The following KIF14 variants were observed in gnomAD, a reference collection of about 807,000 sequenced individuals.
The protein encoded by KIF14 is kinesin family member 14.
A neutral mutation model predicts 176.2 loss-of-function variants in KIF14; 98 were observed. The observed-to-expected ratio is 0.56, with a 90% CI of 0.47 to 0.66. KIF14 has a LOEUF of 0.66. KIF14 is among the 30% of genes least tolerant of loss of function. The pLI, the probability that KIF14 is intolerant of heterozygous loss-of-function variation, is 0.00. For synonymous variants in KIF14, 566 were observed against 632.2 expected, an observed-to-expected ratio of 0.90 and a Z score of 1.57; for missense variants, 1,751 against 1,920.4, an observed-to-expected ratio of 0.91 and a Z score of 1.65.
chr1:200,609,992 G>C (rs146674900), intron 4 of KIF14, among the ~76,000 whole-genome samples: 1 of 152,166 alleles, frequency 6.6e-6, no homozygotes, highest in African/African-American at 2.4e-5. Flanking sequence ...TCCAGAACAG[G>C]TAAATTCATA....
rs200384271 is a variant in KIF14, at chr1:200,583,230, T to TA, written c.3242-1937dup. ...ATTCAAACAAATCAAGTTTTTTTTT[T>TA]AAAAAAAGGATGAAACAATCCAGGA... On this transcript the variant is annotated intron_variant, in intron 19 of 29. Transcript: ENST00000367350. Among the ~76,000 whole-genome samples the TA allele has an allele frequency of 2.8e-3, 428 of 151,668 alleles. 3 individuals carry two copies. The highest frequency in any genetic ancestry group is 9.8e-3 in the African/African-American group (405 of 41,326).
chr1:200,603,276 T>C lies in KIF14; in HGVS notation c.1929A>G (p.Gln643=). Residue 643 remains glutamine, a synonymous_variant, in exon 10 of 30, where the codon CAA becomes CAG. Transcript: ENST00000367350. The part of the protein sequence containing the change: ...LGKVISALSE[Q]ANQRSVFIPY... ...GAATAAAAACACTCCTTTGGTTTGC[T>C]TGTTCCGAAAGTGCAGATATAACTT... The C allele has an allele frequency of 6.2e-7, 1 of 1,610,174 alleles. No individual in the cohort carries two copies. The highest frequency in any genetic ancestry group is 8.5e-7 in the Non-Finnish European group (1 of 1,177,266).
chr1:200,576,994 T>C (rs1658153550), intron 21 of KIF14, among the ~76,000 whole-genome samples: 1 of 152,014 alleles, frequency 6.6e-6, no homozygotes, highest in African/African-American at 2.4e-5. Context: ...CACATCTGTC[T>C]AATTTTCAGA....
chr1:200,603,825 A>C lies in KIF14; in HGVS notation c.1863+14T>G. 6.8e-7 allele frequency: 1 copy of C among 1,480,488 alleles called. No individual in the cohort carries two copies. The highest frequency in any genetic ancestry group is 9.4e-7 in the Non-Finnish European group (1 of 1,059,568). The allele number at this position is 1,480,488 out of a possible 1,614,324, so 91.7% of individuals were successfully genotyped here. On this transcript the variant is annotated intron_variant, in intron 9 of 29. Transcript: ENST00000367350. ...AATAAATTTCATCAAAAGGAGAAAAAGCATTCCATTTACCTTTAGTCGATC... is the reference window on the plus strand; with the variant it reads ...AATAAATTTCATCAAAAGGAGAAAACGCATTCCATTTACCTTTAGTCGATC...
intron 25 of KIF14, among the ~76,000 whole-genome samples, chr1:200,561,306 C>T (rs1657140648): frequency 6.6e-6 from 1 of 150,852 alleles, no homozygotes; most frequent in Admixed American, 6.6e-5. Flanking sequence ...TTTCGGAGGC[C>T]GAGGCAGGCA....
At chr1:200,588,384 G>T (rs1321075027) in intron 18 of KIF14, among the ~76,000 whole-genome samples, 1 of 152,008 alleles carries the variant, frequency 6.6e-6, no homozygotes, top group African/African-American at 2.4e-5. Flanking sequence ...GGGACTACAG[G>T]TGTGTGCCAC....
chr1:200,565,034 G>A lies in KIF14; in HGVS notation c.4071+35C>T, dbSNP rs533159407. 9 of 1,498,340 alleles carry A rather than the reference G, an allele frequency of 6.0e-6. No individual in the cohort carries two copies. In the East Asian group the frequency reaches 6.8e-5, roughly 11 times the overall value. The allele number at this position is 1,498,340 out of a possible 1,614,324, so 92.8% of individuals were successfully genotyped here. A position where few individuals can be genotyped will look rare whatever the true frequency, so the allele number is the denominator to read the frequency against. On this transcript the variant is annotated intron_variant, in intron 25 of 29. Coordinates refer to ENST00000367350, the MANE Select transcript of KIF14 (RefSeq NM_014875.3). ...GAAAGCCAATAAATAATTATTAAAT[G>A]AATCCTTCAAATGATAATAAGCAAA...
chr1:200,619,705 C>G (rs1310839889), intron 1 of KIF14, among the ~76,000 whole-genome samples: 3 of 152,146 alleles, frequency 2.0e-5, no homozygotes, highest in Non-Finnish European at 4.4e-5. Context: ...ATTGGTGTCA[C>G]GAGGCAGATT....
intron 22 of KIF14, among the ~76,000 whole-genome samples, chr1:200,571,454 A>T (rs116226364): frequency 0.024 from 3,583 of 152,244 alleles, 49 homozygotes; most frequent in Non-Finnish European, 0.035. Flanking sequence ...GCCTATCTCC[A>T]TATTGCCGTT....
intron 2 of KIF14, 91 bp downstream of exon 2, chr1:200,617,521 C>T: frequency 8.0e-7 from 1 of 1,250,376 alleles, no homozygotes; most frequent in Non-Finnish European, 1.1e-6. Flanking sequence ...TTTGAAGATG[C>T]ACGAATACAC....
chr1:200,588,248 G>GT (rs201090107), intron 18 of KIF14, among the ~76,000 whole-genome samples: 40,973 of 139,336 alleles, frequency 0.29, 6,994 homozygotes, highest in African/African-American at 0.49. Flanking sequence ...TGTTTGTTTT[G>GT]TTTTTTTTTT....
rs1475600095 is a variant in KIF14, at chr1:200,590,221, C to T, written c.2865G>A (p.Met955Ile). ...TTTCTTTTGCAATCTGGATTCCTTGCATCATTTCTTCCTTTGCCTTCAACT... is the reference window on the plus strand; with the variant it reads ...TTTCTTTTGCAATCTGGATTCCTTGTATCATTTCTTCCTTTGCCTTCAACT... The part of the protein sequence containing the change: ...EAQLKAKEEM[M>I]QGIQIAKEMA... The change falls in exon 17 of 30, where the codon ATG becomes ATA. Residue 955 changes from methionine (M) to isoleucine (I), a missense_variant. Coordinates refer to ENST00000367350, the MANE Select transcript of KIF14 (RefSeq NM_014875.3). 1.2e-6 allele frequency: 2 copies of T among 1,613,866 alleles called. No individual in the cohort carries two copies. The highest frequency in any genetic ancestry group is 1.7e-6 in the Non-Finnish European group (2 of 1,179,904).
intron 8 of KIF14, 72 bp downstream of exon 8, chr1:200,605,210 TA>T (rs1558085302): frequency 7.1e-7 from 1 of 1,416,168 alleles, no homozygotes; most frequent in Admixed American, 1.9e-5. Context: ...GGGAACTTTT[TA>T]AAAAAATACC....
In KIF14 at chr1:200,580,592, A is replaced by T. The variant is rs990312394; in HGVS notation, c.3336-209T>A. On this transcript the variant is annotated intron_variant, in intron 20 of 29. Coordinates refer to ENST00000367350, the MANE Select transcript of KIF14 (RefSeq NM_014875.3). ...TTTTTAAAATCAAAAATTTCTAATA[A>T]GGTATGTTCCTTTTGAACAATGAAA... Among the ~76,000 whole-genome samples, 4 of 152,078 alleles carry T rather than the reference A, an allele frequency of 2.6e-5. No homozygotes were observed. The East Asian group carries it at 7.7e-4, about 29-fold the overall frequency.
chr1:200,608,788 G>A, intron 5 of KIF14, 42 bp downstream of exon 5: 1 of 1,203,740 alleles, frequency 8.3e-7, no homozygotes, highest in Non-Finnish European at 1.2e-6. Context: ...ACATTTATAA[G>A]AACAGAAATT....
chr1:200,601,751 T>A, intron 11 of KIF14, 145 bp downstream of exon 11: 1 of 579,414 alleles, frequency 1.7e-6, no homozygotes, highest in Non-Finnish European at 3.0e-6. Context: ...TCATCCTCCA[T>A]CACTATAGGC....
intron 8 of KIF14, among the ~76,000 whole-genome samples, chr1:200,604,553 T>C (rs750010159): frequency 8.5e-5 from 13 of 152,156 alleles, no homozygotes; most frequent in Non-Finnish European, 1.6e-4. Flanking sequence ...AAAAGTTTAA[T>C]GCACAAAGAT....
At chr1:200,584,871 G>A (rs900289447) in intron 19 of KIF14, among the ~76,000 whole-genome samples, 4 of 152,134 alleles carry the variant, frequency 2.6e-5, no homozygotes, top group South Asian at 2.1e-4. Context: ...AAGAAAAAGA[G>A]ATAAAAGGTA....
intron 14 of KIF14, among the ~76,000 whole-genome samples, chr1:200,594,239 A>G (rs993080064): frequency 6.6e-6 from 1 of 151,868 alleles, no homozygotes; most frequent in Admixed American, 6.6e-5. Flanking sequence ...CGAGCCTCCA[A>G]TTAGATTTTG....
Sources: gnomAD v4.1 joint callset for allele counts (sites outside exome capture counted in the v4.1 genomes callset) on GRCh38, gnomAD v4.1.1 for gene constraint, MANE v1.5 for transcripts, NCBI Gene and HGNC (gene_info 2026-07-23, HGNC 2026-07-21) for gene names.